KYAT1: variants seen among roughly 807,000 people sequenced by gnomAD.
KYAT1 encodes kynurenine aminotransferase 1.
In KYAT1, 47 loss-of-function variants were observed where a neutral mutation model predicts 52.4. The observed-to-expected ratio is 0.90, with a 90% CI of 0.71 to 1.14. The LOEUF is 1.14. Ranked by LOEUF, KYAT1 falls within the 50% of genes most tolerant of loss-of-function variation. The pLI is 0.00. For missense variants in KYAT1, 480 were observed against 557.9 expected (o/e 0.86, Z 1.41); for synonymous variants, 212 against 209.6 (o/e 1.01, Z -0.10).
At chr9:128,862,966 A>G (rs1835665034) in intron 1 of KYAT1, among the ~76,000 whole-genome samples, 1 of 152,084 alleles carries the variant, frequency 6.6e-6, no homozygotes, top group South Asian at 2.1e-4. Flanking sequence ...CTGGGATTAC[A>G]GACGCGCGCT....
Position 128,849,509 on chromosome 9 carries a change from T to C in KYAT1, c.-6-4098A>G, listed in dbSNP as rs114758941. Among the ~76,000 whole-genome samples, 500 of 150,346 alleles carry C rather than the reference T, an allele frequency of 3.3e-3. 2 individuals carry two copies. Among genetic ancestry groups the C allele is most frequent in the African/African-American group, 0.012 (485 of 40,940 alleles). ...AAATATCCACATGTAAATGAATGAA[T>C]TTGGGGCCAGGCGTGGCAGCTTATG... On this transcript the variant is annotated intron_variant, in intron 1 of 12. Transcript: ENST00000302586.
chr9:128,870,793 A>C (rs905959456), intron 1 of KYAT1, among the ~76,000 whole-genome samples: 2 of 152,176 alleles, frequency 1.3e-5, no homozygotes, highest in African/African-American at 4.8e-5. Flanking sequence ...ATGGGGAGTG[A>C]CTATTTGATG....
At chr9:128,857,333 T>TGA (rs1834792334) in intron 1 of KYAT1, among the ~76,000 whole-genome samples, 17 of 152,240 alleles carry the variant, frequency 1.1e-4, no homozygotes, top group Non-Finnish European at 2.1e-4. Context: ...CTTGATATGC[T>TGA]GCTTGCCAGT....
chr9:128,865,338 TATATATATATATATATA>T (rs1836150738), intron 1 of KYAT1, among the ~76,000 whole-genome samples: 5 of 2,168 alleles, frequency 2.3e-3, no homozygotes, highest in Admixed American at 6.8e-3. Flanking sequence ...TATATATATA[TATATATATATATATATA>T]TATATTTTTT....
intron 2 of KYAT1, among the ~76,000 whole-genome samples, chr9:128,843,630 C>G (rs943582817): frequency 4.6e-5 from 7 of 152,124 alleles, no homozygotes; most frequent in Non-Finnish European, 1.0e-4. Flanking sequence ...CCACCGCCCC[C>G]CTTGGCCTCT....
At chr9:128,845,167 G>A (rs1249910831) in intron 2 of KYAT1, among the ~76,000 whole-genome samples, 186 bp downstream of exon 2, 1 of 152,136 alleles carries the variant, frequency 6.6e-6, no homozygotes, top group African/African-American at 2.4e-5. Context: ...GCACAGTCAT[G>A]CAGAAGAAAG....
intron 1 of KYAT1, chr9:128,846,705 A>G: frequency 6.5e-7 from 1 of 1,533,258 alleles, no homozygotes; most frequent in South Asian, 1.2e-5. Flanking sequence ...CTGGATAGGT[A>G]ATTTGGCTCC....
At chr9:128,851,364 G>C (rs907148070) in intron 1 of KYAT1, among the ~76,000 whole-genome samples, 3 of 152,196 alleles carry the variant, frequency 2.0e-5, no homozygotes, top group African/African-American at 7.2e-5. Flanking sequence ...TGTGCGCTCG[G>C]AGGAATCCAG....
chr9:128,846,685 C>A, intron 1 of KYAT1: 1 of 1,510,450 alleles, frequency 6.6e-7, no homozygotes, highest in Non-Finnish European at 8.9e-7. Context: ...CCCACCTTGG[C>A]TGGGTGACCC....
At chr9:128,835,132 C>T in intron 11 of KYAT1, 191 bp downstream of exon 11, 1 of 597,870 alleles carries the variant, frequency 1.7e-6, no homozygotes, top group East Asian at 2.8e-5. Context: ...GAGACTCCAT[C>T]TCAACCAAAA....
At chr9:128,837,382 G>A (rs1202826144) in intron 6 of KYAT1, among the ~76,000 whole-genome samples, 1 of 152,244 alleles carries the variant, frequency 6.6e-6, no homozygotes, top group Non-Finnish European at 1.5e-5. Flanking sequence ...CACTGACCAT[G>A]AGGTCAGTTC....
chr9:128,836,981 C>A lies in KYAT1; in HGVS notation c.568-59G>T. 1.5e-5 allele frequency: 24 copies of A among 1,583,096 alleles called. No individual in the cohort carries two copies. In the South Asian group the frequency reaches 2.8e-4, roughly 18 times the overall value. ...CTGGGACCGTCCCCAAACACAGAGGCCTACTCAGAGAGGTTAAAGAACACA... is the reference window on the plus strand; with the variant it reads ...CTGGGACCGTCCCCAAACACAGAGGACTACTCAGAGAGGTTAAAGAACACA... On this transcript the variant is annotated intron_variant, in intron 6 of 12. Coordinates refer to ENST00000302586, the MANE Select transcript of KYAT1 (RefSeq NM_004059.5).
At chr9:128,837,989 G>C in intron 5 of KYAT1, 62 bp downstream of exon 5, 3 of 1,563,580 alleles carry the variant, frequency 1.9e-6, no homozygotes, top group South Asian at 1.1e-5. Flanking sequence ...CAACTCCCAG[G>C]GTCCAACTCA....
At chr9:128,855,917 G>T (rs980014048) in intron 1 of KYAT1, among the ~76,000 whole-genome samples, 3 of 152,158 alleles carry the variant, frequency 2.0e-5, no homozygotes, top group African/African-American at 7.2e-5. Context: ...ATTGGCAAAA[G>T]AACTCCTCAA....
At position 128,835,827 on chromosome 9, in the gene KYAT1, C is replaced by T; in HGVS notation, c.807G>A (p.Leu269=). ...VLGPDHIMKH[L]RTVHQNSVFH... ...AGACGGAGTTCTGGTGCACGGTCCGCAGGTGCTTCATGATGTGATCTGGAC... is the reference window on the plus strand; with the variant it reads ...AGACGGAGTTCTGGTGCACGGTCCGTAGGTGCTTCATGATGTGATCTGGAC... The change falls in exon 9 of 13, where the codon CTG becomes CTA. Residue 269 remains leucine (L), a synonymous_variant. Coordinates refer to ENST00000302586, the MANE Select transcript of KYAT1 (RefSeq NM_004059.5). The T allele has an allele frequency of 6.2e-7, 1 of 1,614,034 alleles. No homozygotes were observed. The highest frequency in any genetic ancestry group is 2.2e-5 in the East Asian group (1 of 44,882).
At chr9:128,845,478 C>T (rs576051280) in intron 1 of KYAT1, 67 bp from the exon 2 acceptor site, 10 of 1,455,162 alleles carry the variant, frequency 6.9e-6, no homozygotes, top group Non-Finnish European at 8.6e-6. Flanking sequence ...AGCTTGCACA[C>T]AGGAGGGACA....
Position 128,834,746 on chromosome 9 carries a change from C to T in KYAT1, c.1122+577G>A, listed in dbSNP as rs113734262. On this transcript the variant is annotated intron_variant, in intron 11 of 12. Transcript: ENST00000302586. ...ACTCAGGAGGCTAAGGGAGGAGAATCGCTTGAACCCTGGAGGTGGAGGTTG... is the reference window on the plus strand; with the variant it reads ...ACTCAGGAGGCTAAGGGAGGAGAATTGCTTGAACCCTGGAGGTGGAGGTTG... Among the ~76,000 whole-genome samples the T allele has an allele frequency of 8.2e-3, 1,215 of 147,950 alleles. 9 individuals are homozygous for T. Among genetic ancestry groups the T allele is most frequent in the Admixed American group, 0.012 (176 of 14,666 alleles).
At chr9:128,837,909 A>G in intron 5 of KYAT1, 96 bp from the exon 6 acceptor site, 1 of 1,506,264 alleles carries the variant, frequency 6.6e-7, no homozygotes, top group African/African-American at 1.4e-5. Flanking sequence ...CTGGGATCCC[A>G]ACACACACAC....
At chr9:128,838,489 G>A in intron 3 of KYAT1, 122 bp from the exon 4 acceptor site, 1 of 1,097,626 alleles carries the variant, frequency 9.1e-7, no homozygotes, top group Non-Finnish European at 1.3e-6. Flanking sequence ...GGTACTGGTA[G>A]CCTGGGCCCC....
Sources: allele counts gnomAD v4.1 joint callset (sites outside exome capture counted in the v4.1 genomes callset), GRCh38; gene constraint gnomAD v4.1.1; transcripts MANE v1.5; gene names NCBI Gene and HGNC (gene_info 2026-07-23, HGNC 2026-07-21).